Variants in ITPKA observed in about 807,000 individuals in gnomAD.
ITPKA encodes IP3 3-kinase A.
Under a neutral mutation model 40.7 loss-of-function variants are expected in ITPKA, and 16 were observed. That is an observed-to-expected ratio of 0.39 (90% CI 0.27 to 0.60). The LOEUF (loss-of-function observed/expected upper bound fraction) is 0.60, where lower values mean the gene tolerates loss of function less well. ITPKA is among the 20% of genes least tolerant of loss of function. ITPKA has a pLI of 0.50. For synonymous variants in ITPKA, 313 were observed against 289.9 expected, an observed-to-expected ratio of 1.08 and a Z score of -0.81; for missense variants, 540 against 649.3, an observed-to-expected ratio of 0.83 and a Z score of 1.83.
rs1373552974 is a variant in ITPKA at position 41,502,847 on chromosome 15, C to A, written c.1170C>A (p.Phe390Leu). The change falls in exon 6 of 7, where the codon TTC becomes TTA. Residue 390 changes from phenylalanine (F) to leucine (L), a missense_variant. Phe to Leu is a conservative substitution (Grantham distance 22). Coordinates refer to ENST00000260386, the MANE Select transcript of ITPKA (RefSeq NM_002220.3). ...ACACCCTGGAGGTATCCGAGTTCTT[C>A]AGGAGGCACGAGGTAAGCGGCGGCT... is the stretch of plus-strand genomic sequence containing the variant. ...IRDTLEVSEF[F>L]RRHEVIGSSL... is the part of the protein sequence containing the mutation. 6.2e-7 allele frequency: 1 copy of A among 1,612,944 alleles called. No individual in the cohort carries two copies. The highest frequency in any genetic ancestry group is 1.7e-5 in the Admixed American group (1 of 59,944).
chr15:41,500,200 C>G (rs1427256346), intron 1 of ITPKA, among the ~76,000 whole-genome samples: 1 of 152,180 alleles, frequency 6.6e-6, no homozygotes, highest in Non-Finnish European at 1.5e-5. Context: ...ACCTTGTGAT[C>G]CGCCCACCTC....
At position 41,501,574 on chromosome 15, in the gene ITPKA, G is replaced by T. The variant is rs1412983689; in HGVS notation, c.586+15G>T. On this transcript the variant is annotated intron_variant, in intron 2 of 6. Transcript: ENST00000260386. ...AGGGCACACTGGTGAGCAGTGGGGC[G>T]GGTGGGCGGGTGCCCGCGACGGGAA... 2.6e-6 allele frequency: 3 copies of T among 1,140,614 alleles called. No homozygotes were observed. The East Asian group carries it at 7.7e-5, about 29-fold the overall frequency. The allele number at this position is 1,140,614 out of a possible 1,614,324, so 70.7% of individuals were successfully genotyped here.
At chr15:41,501,882 G>C (rs781039485) in intron 3 of ITPKA, 31 bp downstream of exon 3, 10 of 1,605,266 alleles carry the variant, frequency 6.2e-6, no homozygotes, top group Non-Finnish European at 8.5e-6. Context: ...CGGTTGGGGG[G>C]ATCAAGTAGG....
In ITPKA at chr15:41,494,354, A is replaced by T. The variant is rs1318889845; in HGVS notation, c.427A>T (p.Ser143Cys). The T allele has an allele frequency of 1.3e-6, 2 of 1,511,980 alleles. No individual in the cohort carries two copies. Among genetic ancestry groups the T allele is most frequent in the Non-Finnish European group, 1.8e-6 (2 of 1,135,626 alleles). The allele number at this position is 1,511,980 out of a possible 1,614,324, so 93.7% of individuals were successfully genotyped here. The change falls in exon 1 of 7, where the codon AGC becomes TGC. Residue 143 changes from serine to cysteine, a missense_variant. Transcript: ENST00000260386. The surrounding 1 kb of genome is among the most constrained non-coding windows in gnomAD (Gnocchi z 7.8). Reference protein sequence around the residue: ...LLEDSEDDLLSDSESRSRGNV... With the variant: ...LLEDSEDDLLCDSESRSRGNV... ...CGAGGACTCGGAGGACGACCTGCTGAGCGACAGTGAGAGCCGGAGCCGCGG... is the reference window on the plus strand; with the variant it reads ...CGAGGACTCGGAGGACGACCTGCTGTGCGACAGTGAGAGCCGGAGCCGCGG...
chr15:41,501,589 C>A, intron 2 of ITPKA, 30 bp downstream of exon 2: 1 of 1,569,178 alleles, frequency 6.4e-7, no homozygotes, highest in Non-Finnish European at 8.6e-7. Flanking sequence ...GGCGGGTGCC[C>A]GCGACGGGAA....
chr15:41,501,229 C>T, intron 1 of ITPKA: 1 of 790,264 alleles, frequency 1.3e-6, no homozygotes, highest in Non-Finnish European at 1.5e-6. Flanking sequence ...ATGCTAAGTC[C>T]AGGCTCTTGA....
chr15:41,497,916 C>T (rs899984203), intron 1 of ITPKA, among the ~76,000 whole-genome samples: 1 of 152,010 alleles, frequency 6.6e-6, no homozygotes, highest in African/African-American at 2.4e-5. Flanking sequence ...CTTTAGGAGG[C>T]CATGGCAGGT....
intron 1 of ITPKA, among the ~76,000 whole-genome samples, chr15:41,499,677 C>A (rs1270184472): frequency 6.6e-6 from 1 of 152,164 alleles, no homozygotes; most frequent in Non-Finnish European, 1.5e-5. Flanking sequence ...TCTGGGGGTA[C>A]AACATGTGTA....
rs773894528 is a variant in ITPKA, at chr15:41,501,772, G to C, written c.724G>C (p.Gly242Arg). Residue 242 changes from glycine (G) to arginine (R), a missense_variant, in exon 3 of 7, where the codon GGC (glycine) becomes CGC (arginine). Gly to Arg is a moderately radical substitution (Grantham distance 125). Coordinates refer to ENST00000260386, the MANE Select transcript of ITPKA (RefSeq NM_002220.3). ...CTTCCACGGCGTGGTGGAGCGCGAC[G>C]GCGAAAGCTACCTGCAGCTGCAGGA... ...PAFHGVVERD[G>R]ESYLQLQDLL... 6.2e-7 allele frequency: 1 copy of C among 1,612,978 alleles called. No individual in the cohort carries two copies. Among genetic ancestry groups the C allele is most frequent in the Non-Finnish European group, 8.5e-7 (1 of 1,179,864 alleles).
rs1348784958 is a variant in ITPKA, at chr15:41,494,101, G to C, written c.174G>C (p.Gly58=). 2.3e-6 allele frequency: 3 copies of C among 1,302,512 alleles called. No homozygotes were observed. In the African/African-American group the frequency reaches 4.6e-5, roughly 20 times the overall value. The allele number at this position is 1,302,512 out of a possible 1,614,324, so 80.7% of individuals were successfully genotyped here. A position where few individuals can be genotyped will look rare whatever the true frequency, so the allele number is the denominator to read the frequency against. The change falls in exon 1 of 7, where the codon GGG becomes GGC. Residue 58 remains glycine (G), a synonymous_variant. Transcript: ENST00000260386. The surrounding 1 kb of genome is among the most constrained non-coding windows in gnomAD (Gnocchi z 7.8). ...CCGCGGGGGAGCCCCGGGCCCGCGG[G>C]GCCAAGCGGCGTGGGGGACAGGTCC... ...AAAAGEPRAR[G]AKRRGGQVPN...
At chr15:41,495,662 G>A (rs961884077) in intron 1 of ITPKA, among the ~76,000 whole-genome samples, 2 of 152,234 alleles carry the variant, frequency 1.3e-5, no homozygotes, top group Admixed American at 6.5e-5. Context: ...CGTTTCTGGG[G>A]TAACCCTTGC....
At position 41,502,442 on chromosome 15, in the gene ITPKA, G is replaced by A. The variant is rs1438281000; in HGVS notation, c.1049G>A (p.Arg350Gln). Residue 350 changes from arginine to glutamine, a missense_variant, in exon 5 of 7, where the codon CGA (arginine) becomes CAA (glutamine). Physicochemically the swap from Arg to Gln is conservative, Grantham distance 43. Transcript: ENST00000260386. ...GSCSTDFKTTRSREQVLRVFE... is the reference protein window; with the variant it reads ...GSCSTDFKTTQSREQVLRVFE... ...TGCAGCACCGACTTCAAGACTACGC[G>A]AAGCCGAGAGCAGGTGCTTCGCGTC... 6.2e-7 allele frequency: 1 copy of A among 1,604,518 alleles called. No homozygotes were observed. Among genetic ancestry groups the A allele is most frequent in the Non-Finnish European group, 8.5e-7 (1 of 1,172,064 alleles).
chr15:41,501,949 C>T (rs767698897), intron 3 of ITPKA, 48 bp from the exon 4 acceptor site: 2 of 1,595,306 alleles, frequency 1.3e-6, no homozygotes, highest in Middle Eastern at 1.9e-4. Flanking sequence ...TCGAAGGGGT[C>T]TCCGTGTGCG....
At position 41,494,528 on chromosome 15, in the gene ITPKA, T is replaced by A; in HGVS notation, c.489+112T>A. The A allele has an allele frequency of 1.3e-6, 1 of 745,978 alleles. No homozygotes were observed. Among genetic ancestry groups the A allele is most frequent in the Non-Finnish European group, 2.0e-6 (1 of 505,974 alleles). 46.2% of individuals were successfully genotyped at this position (745,978 alleles called of 1,614,324 possible). A position where few individuals can be genotyped will look rare whatever the true frequency, so the allele number is the denominator to read the frequency against. ...CCATGCTCCCTCCAGCGGAAGGTCC[T>A]GTTCTCGCGGTTTAGGAGGAATCTG... On this transcript the variant is annotated intron_variant, in intron 1 of 6. Transcript: ENST00000260386. This position sits in a 1 kb window ranked among gnomAD's most constrained non-coding sequence, Gnocchi z 7.8.
chr15:41,503,064 C>T lies in ITPKA; in HGVS notation c.1284C>T (p.Ile428=). 6.2e-7 allele frequency: 1 copy of T among 1,609,610 alleles called. No individual in the cohort carries two copies. Among genetic ancestry groups the T allele is most frequent in the Non-Finnish European group, 8.5e-7 (1 of 1,176,806 alleles). The part of the protein sequence containing the change: ...GKTTPLPDGQ[I]LDHRRPWEEG... ...CCACGCCCCTCCCCGATGGCCAGATCCTGGACCACCGGCGGCCCTGGGAGG... is the reference window on the plus strand; with the variant it reads ...CCACGCCCCTCCCCGATGGCCAGATTCTGGACCACCGGCGGCCCTGGGAGG... The change falls in exon 7 of 7, where the codon ATC becomes ATT. Residue 428 remains isoleucine, a synonymous_variant. Coordinates refer to ENST00000260386, the MANE Select transcript of ITPKA (RefSeq NM_002220.3).
Position 41,501,515 on chromosome 15 carries a change from CT to C in ITPKA, c.545del (p.Phe182SerfsTer25). ...RTMVNLPVIS[P>X]FKKRYAWVQL... ...ATGGTCAATCTGCCGGTCATAAGCC[CT>C]TTCAAGAAGCGCTACGCCTGGGTGC... is the stretch of plus-strand genomic sequence containing the variant. On this transcript the variant is annotated frameshift_variant, in exon 2 of 7. Coordinates refer to ENST00000260386, the MANE Select transcript of ITPKA (RefSeq NM_002220.3). LOFTEE classifies it high-confidence loss of function. The C allele has an allele frequency of 1.3e-6, 2 of 1,593,908 alleles. No homozygotes were observed. Among genetic ancestry groups the C allele is most frequent in the Non-Finnish European group, 1.7e-6 (2 of 1,176,764 alleles).
At chr15:41,495,111 C>T (rs748139470) in intron 1 of ITPKA, among the ~76,000 whole-genome samples, 1 of 152,226 alleles carries the variant, frequency 6.6e-6, no homozygotes, top group East Asian at 1.9e-4. Flanking sequence ...TAGTCTCTGC[C>T]TCTGATAGCC....
chr15:41,495,924 GGGT>G (rs2051067504), intron 1 of ITPKA, among the ~76,000 whole-genome samples: 1 of 152,220 alleles, frequency 6.6e-6, no homozygotes, highest in Non-Finnish European at 1.5e-5. Flanking sequence ...GCCCAAGCCT[GGGT>G]GTAGAGACCG....
intron 5 of ITPKA, 72 bp from the exon 6 acceptor site, chr15:41,502,716 C>A: frequency 7.2e-7 from 1 of 1,387,270 alleles, no homozygotes; most frequent in South Asian, 1.3e-5. Context: ...TGGGTCCCGG[C>A]TCCTCATCGT....
Sources: gnomAD v4.1 joint callset for allele counts (sites outside exome capture counted in the v4.1 genomes callset) on GRCh38, gnomAD v4.1.1 for gene constraint, Gnocchi (gnomAD v3.1) non-coding constraint, MANE v1.5 for transcripts, NCBI Gene and HGNC (gene_info 2026-07-23, HGNC 2026-07-21) for gene names.